The following CDHR2 variants were observed in gnomAD, a reference collection of about 807,000 sequenced individuals.
CDHR2 encodes cadherin-related family member 2.
In CDHR2, 104 loss-of-function variants were observed where a neutral mutation model predicts 138.6. The observed-to-expected ratio is 0.75, with a 90% confidence interval of 0.64 to 0.88. CDHR2 has a LOEUF of 0.88. Ranked by LOEUF, CDHR2 falls within the 40% of genes least tolerant of loss-of-function variation. CDHR2 has a pLI of 0.00. For missense variants in CDHR2, 1,624 were observed against 1,727.6 expected (o/e 0.94, Z 1.06); for synonymous variants, 755 against 742.8 (o/e 1.02, Z -0.27).
intron 21 of CDHR2, 32 bp from the exon 22 acceptor site, chr5:176,588,999 G>A: frequency 6.2e-7 from 1 of 1,609,670 alleles, no homozygotes; most frequent in Non-Finnish European, 8.5e-7. Flanking sequence ...GGCCTGGCTG[G>A]GCCCCCAGAT....
At position 176,586,854 on chromosome 5, in the gene CDHR2, G is replaced by T. The variant is rs1361867366; in HGVS notation, c.2856+12G>T. 1 of 1,606,066 alleles carries T rather than the reference G, an allele frequency of 6.2e-7. No homozygotes were observed. Among genetic ancestry groups the T allele is most frequent in the Non-Finnish European group, 8.5e-7 (1 of 1,176,116 alleles). ...TGGCTTCTGTCCGGGTAAGTTCTTG[G>T]CTCCAGCCTTTGTTGGTCATATGAG... On this transcript the variant is annotated intron_variant, in intron 21 of 31. Transcript: ENST00000261944.
chr5:176,595,789 C>G lies in CDHR2; in HGVS notation c.*117C>G. ...CCTGCCTCCTGCTTTTGGCCAATCA[C>G]GGCAGACAGGGGTTGGGGAAATATT... On this transcript the variant is annotated 3_prime_UTR_variant, in exon 32 of 32. Coordinates refer to ENST00000261944, the MANE Select transcript of CDHR2 (RefSeq NM_017675.6). The G allele has an allele frequency of 9.8e-7, 1 of 1,017,750 alleles. No individual in the cohort carries two copies. The highest frequency in any genetic ancestry group is 1.4e-6 in the Non-Finnish European group (1 of 727,904). The allele number at this position is 1,017,750 out of a possible 1,614,324, so 63.0% of individuals were successfully genotyped here. A position where few individuals can be genotyped will look rare whatever the true frequency, so the allele number is the denominator to read the frequency against.
At chr5:176,579,625 G>C (rs1294614195) in intron 16 of CDHR2, among the ~76,000 whole-genome samples, 1 of 152,192 alleles carries the variant, frequency 6.6e-6, no homozygotes, top group Non-Finnish European at 1.5e-5. Context: ...GAGCAGACAG[G>C]ATGAGGCTTT....
chr5:176,574,348 G>A (rs983119530), intron 7 of CDHR2, among the ~76,000 whole-genome samples, 176 bp downstream of exon 7: 4 of 152,272 alleles, frequency 2.6e-5, no homozygotes, highest in African/African-American at 4.8e-5. Flanking sequence ...CGCCTTGCCC[G>A]CTTACCTAAA....
In CDHR2 at chr5:176,575,938, G is replaced by T. The variant is rs1397853229; in HGVS notation, c.961-14G>T. On this transcript the variant is annotated splice_polypyrimidine_tract_variant and intron_variant, in intron 11 of 31. Coordinates refer to ENST00000261944, the MANE Select transcript of CDHR2 (RefSeq NM_017675.6). ...ACTGGCTCTCTGCCCTCTGCCCTCT[G>T]CTCTGTGCCTCAGGCCACCGAGACA... 1 of 1,606,764 alleles carries T rather than the reference G, an allele frequency of 6.2e-7. No homozygotes were observed. Among genetic ancestry groups the T allele is most frequent in the East Asian group, 2.2e-5 (1 of 44,674 alleles).
At position 176,591,491 on chromosome 5, in the gene CDHR2, A is replaced by G. The variant is rs1204203808; in HGVS notation, c.3734+7A>G. On this transcript the variant is annotated splice_region_variant and intron_variant, in intron 30 of 31. Transcript: ENST00000261944. ...ATGACCTGGACTCTGTCAGGTGAGC[A>G]GTGCCCCTCACAGCCAGGCTAGGTG... is the stretch of plus-strand genomic sequence containing the variant. The G allele has an allele frequency of 6.2e-7, 1 of 1,606,154 alleles. No homozygotes were observed. Among genetic ancestry groups the G allele is most frequent in the Admixed American group, 1.7e-5 (1 of 59,998 alleles).
chr5:176,543,130 G>A lies in CDHR2; in HGVS notation c.-16+361G>A, dbSNP rs1403481238. ...CCGGGACTGCGAGCTCCCGCCGTGCGGGCGCCGGCAGAGGCCTGGCGGGAA... is the reference window on the plus strand; with the variant it reads ...CCGGGACTGCGAGCTCCCGCCGTGCAGGCGCCGGCAGAGGCCTGGCGGGAA... On this transcript the variant is annotated intron_variant, in intron 1 of 31. Coordinates refer to the CDHR2 transcript ENST00000510636. This position sits in a 1 kb window ranked among gnomAD's most constrained non-coding sequence, Gnocchi z 4.0. Among the ~76,000 whole-genome samples, 1 of 151,340 alleles carries A rather than the reference G, an allele frequency of 6.6e-6. No individual in the cohort carries two copies. Among genetic ancestry groups the A allele is most frequent in the East Asian group, 2.0e-4 (1 of 5,124 alleles).
intron 6 of CDHR2, among the ~76,000 whole-genome samples, chr5:176,571,575 T>C (rs989678583): frequency 1.3e-5 from 2 of 152,030 alleles, no homozygotes; most frequent in African/African-American, 4.8e-5. Flanking sequence ...CTCACTCTGT[T>C]GCCCAGGCTG....
At position 176,574,067 on chromosome 5, in the gene CDHR2, G is replaced by C. The variant is rs368192528; in HGVS notation, c.406-16G>C. 29 of 1,606,452 alleles carry C rather than the reference G, an allele frequency of 1.8e-5. No individual in the cohort carries two copies. The African/African-American group carries it at 3.1e-4, about 17-fold the overall frequency. ...AGCTGGATTTGAGCTCATAGGTGAC[G>C]AGTCCCTCCCTGCAGACCCTGCCCG... On this transcript the variant is annotated splice_polypyrimidine_tract_variant and intron_variant, in intron 6 of 31. Transcript: ENST00000261944.
chr5:176,582,474 C>T (rs937277341), intron 17 of CDHR2, among the ~76,000 whole-genome samples: 2 of 152,126 alleles, frequency 1.3e-5, no homozygotes, highest in African/African-American at 4.8e-5. Flanking sequence ...GGTTTATTAC[C>T]GTTTTATTGA....
rs773380209 is a variant in CDHR2 at position 176,590,574 on chromosome 5, G to C, written c.3426G>C (p.Glu1142Asp). ...QLGLVVLGSQ[E>D]SQESDLSKQL... is the part of the protein sequence containing the mutation. ...TCATCTTTCTCCAGGGCTCCCAGGA[G>C]AGCCAGGAGTCAGACCTGTCGAAAC... Residue 1142 changes from glutamate to aspartate, a missense_variant, in exon 28 of 32, where the codon GAG becomes GAC. Physicochemically the swap from Glu to Asp is conservative, Grantham distance 45. This residue lies in a region of CDHR2 where 556 missense variants were observed against 565.7 expected (regional missense o/e 0.98). Coordinates refer to ENST00000261944, the MANE Select transcript of CDHR2 (RefSeq NM_017675.6). The C allele has an allele frequency of 5.9e-5, 96 of 1,613,960 alleles. No homozygotes were observed. In the Admixed American group the frequency reaches 1.6e-3, roughly 26 times the overall value.
chr5:176,579,107 A>G (rs942325186), intron 16 of CDHR2, among the ~76,000 whole-genome samples: 17 of 152,346 alleles, frequency 1.1e-4, no homozygotes, highest in African/African-American at 4.1e-4. Flanking sequence ...CACAGAGTTC[A>G]TGAGATAAAA....
chr5:176,582,453 TC>T (rs1758554045), intron 17 of CDHR2, among the ~76,000 whole-genome samples: 2 of 144,636 alleles, frequency 1.4e-5, no homozygotes, highest in African/African-American at 4.8e-5. Context: ...CAGGCATAAG[TC>T]ACTGAGCCCG....
chr5:176,583,928 T>C (rs1307363981), intron 17 of CDHR2, among the ~76,000 whole-genome samples: 1 of 152,028 alleles, frequency 6.6e-6, no homozygotes, highest in Admixed American at 6.6e-5. Context: ...TGAGCTGTGG[T>C]CAGAGAAACA....
At chr5:176,558,664 C>T (rs541763139) in intron 1 of CDHR2, among the ~76,000 whole-genome samples, 80 of 151,646 alleles carry the variant, frequency 5.3e-4, no homozygotes, top group Non-Finnish European at 8.7e-4. Flanking sequence ...GGATTACAGG[C>T]GTGAGCCACC....
At chr5:176,580,170 T>TCACACACGCA (rs1446611526) in intron 16 of CDHR2, among the ~76,000 whole-genome samples, 2 of 147,928 alleles carry the variant, frequency 1.4e-5, no homozygotes, top group East Asian at 3.9e-4. Flanking sequence ...ACACACGCAC[T>TCACACACGCA]CACACACACT....
At chr5:176,555,573 T>TA (rs1247066025) in intron 1 of CDHR2, among the ~76,000 whole-genome samples, 13 of 151,764 alleles carry the variant, frequency 8.6e-5, no homozygotes, top group Non-Finnish European at 1.8e-4. Context: ...AGAAAGGTCT[T>TA]AAGAGGAAAT....
intron 6 of CDHR2, 93 bp downstream of exon 6, chr5:176,571,395 G>A: frequency 1.1e-6 from 1 of 894,338 alleles, no homozygotes; most frequent in South Asian, 2.0e-5. Context: ...GGGGCATTCA[G>A]AGTTGGGAAA....
chr5:176,595,520 C>G lies in CDHR2; in HGVS notation c.3793-12C>G, dbSNP rs140473174. On this transcript the variant is annotated splice_polypyrimidine_tract_variant and intron_variant, in intron 31 of 31. Coordinates refer to ENST00000261944, the MANE Select transcript of CDHR2 (RefSeq NM_017675.6). ...GCCTTGCCCTTCACACCTCCTCTCCCTCTCCCTGCAGGAGCACAGGCCACC... is the reference window on the plus strand; with the variant it reads ...GCCTTGCCCTTCACACCTCCTCTCCGTCTCCCTGCAGGAGCACAGGCCACC... 1.9e-3 allele frequency: 3,079 copies of G among 1,585,100 alleles called. 56 individuals are homozygous for G. The African/African-American group carries it at 0.035, about 18-fold the overall frequency.
Sources: allele counts gnomAD v4.1 joint callset (sites outside exome capture counted in the v4.1 genomes callset), GRCh38; gene constraint gnomAD v4.1.1; regional missense constraint gnomAD v4.1.1; non-coding constraint Gnocchi (gnomAD v3.1); transcripts MANE v1.5; gene names NCBI Gene and HGNC (gene_info 2026-07-23, HGNC 2026-07-21).